PPM1J: variants seen among roughly 807,000 people sequenced by gnomAD.
PPM1J encodes protein phosphatase, Mg2+/Mn2+ dependent 1J, also known as protein phosphatase 1J.
Under a neutral mutation model 53.3 loss-of-function variants are expected in PPM1J, and 43 were observed. That is an observed-to-expected ratio of 0.81 (90% CI 0.63 to 1.04). The LOEUF is 1.04. PPM1J is among the 50% of genes least tolerant of loss of function. The pLI is 0.00. For missense variants in PPM1J, 635 were observed against 685.9 expected, an observed-to-expected ratio of 0.93 and a Z score of 0.83; for synonymous variants, 267 against 286.4, an observed-to-expected ratio of 0.93 and a Z score of 0.68.
At position 112,712,404 on chromosome 1, in the gene PPM1J, ACAGCAGCC is replaced by A; in HGVS notation, c.775_782del (p.Gly259CysfsTer19). On this transcript the variant is annotated frameshift_variant, in exon 4 of 10. Coordinates refer to ENST00000309276, the MANE Select transcript of PPM1J (RefSeq NM_005167.7). LOFTEE classifies it high-confidence loss of function. ...CTAGCAGGTAGATCACAACCAGTGC[ACAGCAGCC>A]CCCCTCCACTTGGTGGCCACGCCGC... is the stretch of plus-strand genomic sequence containing the variant. 6.2e-7 allele frequency: 1 copy of A among 1,613,898 alleles called. No homozygotes were observed. Among genetic ancestry groups the A allele is most frequent in the Non-Finnish European group, 8.5e-7 (1 of 1,179,954 alleles).
chr1:112,711,845 A>G (rs113390824), intron 5 of PPM1J, 126 bp downstream of exon 5: 11,480 of 662,482 alleles, frequency 0.017, 138 homozygotes, highest in Non-Finnish European at 0.022. Context: ...TAGTCCACAC[A>G]GCGGCCTTCC....
intron 4 of PPM1J, 48 bp from the exon 5 acceptor site, chr1:112,712,103 A>G: frequency 1.4e-6 from 2 of 1,472,526 alleles, no homozygotes; most frequent in Admixed American, 4.1e-5. Flanking sequence ...CTTCAGACCC[A>G]CTCATGAAAA....
At chr1:112,710,980 C>T (rs1306311015) in intron 7 of PPM1J, 28 bp downstream of exon 7, 1 of 1,607,594 alleles carries the variant, frequency 6.2e-7, no homozygotes, top group Non-Finnish European at 8.5e-7. Context: ...GTCCTCCTCC[C>T]CTCTCCCACC....
intron 1 of PPM1J, chr1:112,714,763 G>A: frequency 8.0e-7 from 1 of 1,257,612 alleles, no homozygotes; most frequent in Non-Finnish European, 1.0e-6. Context: ...CAATGAGCGG[G>A]AAGGACGTGA....
At chr1:112,712,635 T>C in intron 3 of PPM1J, 109 bp downstream of exon 3, 3 of 1,260,142 alleles carry the variant, frequency 2.4e-6, no homozygotes, top group Non-Finnish European at 3.4e-6. Flanking sequence ...CAAGCTCTGC[T>C]CAGGCTCTCA....
chr1:112,710,610 A>G lies in PPM1J; in HGVS notation c.1220T>C (p.Val407Ala). Residue 407 changes from valine to alanine, a missense_variant and splice_region_variant, in exon 9 of 10, where the codon GTA becomes GCA. Val to Ala is a moderately conservative substitution (Grantham distance 64, BLOSUM62 0). Coordinates refer to ENST00000309276, the MANE Select transcript of PPM1J (RefSeq NM_005167.7). ...ATATTGTGTCAGGTCATACACTCGT[A>G]CCTGGTGGGAGAAAAGGGCAGAGAG... ...IKPFLSCFPE[V>A]RVYDLTQYEH... 1 of 1,614,116 alleles carries G rather than the reference A, an allele frequency of 6.2e-7. No individual in the cohort carries two copies. The highest frequency in any genetic ancestry group is 8.5e-7 in the Non-Finnish European group (1 of 1,180,012).
intron 5 of PPM1J, 152 bp downstream of exon 5, chr1:112,711,819 T>C: frequency 1.7e-6 from 1 of 590,994 alleles, no homozygotes; most frequent in Non-Finnish European, 3.0e-6. Flanking sequence ...TCCCACCGGC[T>C]CAGCCCCGCA....
chr1:112,710,544 C>T lies in PPM1J; in HGVS notation c.1286G>A (p.Gly429Asp), dbSNP rs150126540. Residue 429 changes from glycine to aspartate, a missense_variant, in exon 9 of 10, where the codon GGC becomes GAC. Coordinates refer to ENST00000309276, the MANE Select transcript of PPM1J (RefSeq NM_005167.7). ...ACAGTCAGTAGTGACATCCCACAGG[C>T]CATCTGTTCCCAGGACTAGCACATC... Reference protein sequence around the residue: ...PDDVLVLGTDGLWDVTTDCEV... With the variant: ...PDDVLVLGTDDLWDVTTDCEV... The T allele has an allele frequency of 2.5e-5, 40 of 1,614,224 alleles. No individual in the cohort carries two copies. The highest frequency in any genetic ancestry group is 3.2e-5 in the Non-Finnish European group (38 of 1,180,036).
In PPM1J at chr1:112,712,373, C is replaced by T; in HGVS notation, c.814G>A (p.Val272Met). The T allele has an allele frequency of 2.5e-6, 4 of 1,613,932 alleles. No individual in the cohort carries two copies. Among genetic ancestry groups the T allele is most frequent in the Admixed American group, 1.7e-5 (1 of 59,998 alleles). Reference protein sequence around the residue: ...ALVVIYLLGKVYVANAGDSRA... With the variant: ...ALVVIYLLGKMYVANAGDSRA... ...CTATCGCCTGCATTGGCCACGTACA[C>T]CTTGCCTAGCAGGTAGATCACAACC... The change falls in exon 4 of 10, where the codon GTG becomes ATG. Residue 272 changes from valine to methionine, a missense_variant. Transcript: ENST00000309276.
At position 112,712,053 on chromosome 1, in the gene PPM1J, G is replaced by T; in HGVS notation, c.845C>A (p.Ala282Asp). ...GATTTCACCATTCCGGACAATGATGGCCCTGCCCAAAGAAAGAAAAGGAAT... is the reference window on the plus strand; with the variant it reads ...GATTTCACCATTCCGGACAATGATGTCCCTGCCCAAAGAAAGAAAAGGAAT... ...VYVANAGDSR[A>D]IIVRNGEIIP... The change falls in exon 5 of 10, where the codon GCC (alanine) becomes GAC (aspartate). Residue 282 changes from alanine to aspartate, a missense_variant and splice_region_variant. Ala to Asp is a moderately radical substitution (Grantham distance 126). Coordinates refer to ENST00000309276, the MANE Select transcript of PPM1J (RefSeq NM_005167.7). 6.2e-7 allele frequency: 1 copy of T among 1,606,140 alleles called. No homozygotes were observed.
Position 112,712,729 on chromosome 1 carries a change from A to G in PPM1J, c.729+15T>C. 6.3e-7 allele frequency: 1 copy of G among 1,594,142 alleles called. No individual in the cohort carries two copies. The highest frequency in any genetic ancestry group is 8.5e-7 in the Non-Finnish European group (1 of 1,169,694). On this transcript the variant is annotated intron_variant, in intron 3 of 9. Transcript: ENST00000309276. ...TGGTTGCCTAGCAGGCTCTTGGCCC[A>G]GGTCACCCACTCACCATGAGCTGGA...
chr1:112,710,260 C>T lies in PPM1J; in HGVS notation c.1421G>A (p.Arg474Gln), dbSNP rs115324109. 1,263 of 1,602,600 alleles carry T rather than the reference C, an allele frequency of 7.9e-4. 8 individuals carry two copies. The African/African-American group carries it at 0.015, about 19-fold the overall frequency. Residue 474 changes from arginine (R) to glutamine (Q), a missense_variant, in exon 10 of 10, where the codon CGA becomes CAA. Arg to Gln is a conservative substitution (Grantham distance 43, BLOSUM62 1). Coordinates refer to ENST00000309276, the MANE Select transcript of PPM1J (RefSeq NM_005167.7). ...ALVLGARGTP[R>Q]DRGWRLPNNK... ...GTTGGGGAGACGCCAGCCACGGTCT[C>T]GGGGGGTACCCCGGGCCCCCAGGAC... is the stretch of plus-strand genomic sequence containing the variant.
At chr1:112,711,476 T>G in intron 5 of PPM1J, 92 bp from the exon 6 acceptor site, 1 of 700,996 alleles carries the variant, frequency 1.4e-6, no homozygotes, top group Non-Finnish European at 2.5e-6. Context: ...CAGCAGACCC[T>G]TAAACAGAGT....
Position 112,712,367 on chromosome 1 carries a change from C to T in PPM1J, c.820G>A (p.Val274Met), listed in dbSNP as rs747632313. ...VVIYLLGKVY[V>M]ANAGDSRAII... ...TACCTGCTATCGCCTGCATTGGCCA[C>T]GTACACCTTGCCTAGCAGGTAGATC... The change falls in exon 4 of 10, where the codon GTG (valine) becomes ATG (methionine). Residue 274 changes from valine to methionine, a missense_variant. Transcript: ENST00000309276. 20 of 1,613,594 alleles carry T rather than the reference C, an allele frequency of 1.2e-5. No individual in the cohort carries two copies. The highest frequency in any genetic ancestry group is 1.7e-4 in the Middle Eastern group (1 of 6,060).
Position 112,710,794 on chromosome 1 carries a change from C to T in PPM1J, c.1168G>A (p.Val390Ile). The change falls in exon 8 of 10, where the codon GTC (valine) becomes ATC (isoleucine). Residue 390 changes from valine (V) to isoleucine (I), a missense_variant. Physicochemically the swap from Val to Ile is conservative, Grantham distance 29. Coordinates refer to ENST00000309276, the MANE Select transcript of PPM1J (RefSeq NM_005167.7). ...TTGATGGGCAGGGTGGAACTGCAGA[C>T]CTTAAGGCTGTGGTCTCCCAAGCCT... is the stretch of plus-strand genomic sequence containing the variant. ...TRGLGDHSLK[V>I]CSSTLPIKPF... is the part of the protein sequence containing the mutation. 6.2e-7 allele frequency: 1 copy of T among 1,614,020 alleles called. No individual in the cohort carries two copies. Among genetic ancestry groups the T allele is most frequent in the Non-Finnish European group, 8.5e-7 (1 of 1,179,940 alleles).
At chr1:112,711,531 C>A (rs757474248) in intron 5 of PPM1J, 147 bp from the exon 6 acceptor site, 10 of 608,782 alleles carry the variant, frequency 1.6e-5, no homozygotes, top group Admixed American at 2.9e-5. Flanking sequence ...AATATTAACT[C>A]ATTTACTCCT....
chr1:112,714,651 C>T, intron 1 of PPM1J: 1 of 1,180,068 alleles, frequency 8.5e-7, no homozygotes, highest in Non-Finnish European at 1.0e-6. Flanking sequence ...TTTAAGCTGC[C>T]GGGCCGCGAC....
chr1:112,712,956 G>A lies in PPM1J; in HGVS notation c.517C>T (p.Leu173=). The A allele has an allele frequency of 6.2e-7, 1 of 1,613,876 alleles. No individual in the cohort carries two copies. Among genetic ancestry groups the A allele is most frequent in the South Asian group, 1.1e-5 (1 of 91,056 alleles). The part of the protein sequence containing the change: ...GGAAEMASRL[L]HRHIREQLKD... ...AGCTGCTCTCGGATATGGCGATGCA[G>A]GAGCCGTGAGGCCATTTCAGCAGCT... The change falls in exon 3 of 10, where the codon CTG becomes TTG. Residue 173 remains leucine, a synonymous_variant. Coordinates refer to ENST00000309276, the MANE Select transcript of PPM1J (RefSeq NM_005167.7).
At position 112,710,138 on chromosome 1, in the gene PPM1J, A is replaced by G. The variant is rs1271024844; in HGVS notation, c.*25T>C. 1 of 1,532,246 alleles carries G rather than the reference A, an allele frequency of 6.5e-7. No individual in the cohort carries two copies. The highest frequency in any genetic ancestry group is 1.4e-5 in the African/African-American group (1 of 71,670). 94.9% of individuals were successfully genotyped at this position (1,532,246 alleles called of 1,614,324 possible). On this transcript the variant is annotated 3_prime_UTR_variant, in exon 10 of 10. Coordinates refer to ENST00000309276, the MANE Select transcript of PPM1J (RefSeq NM_005167.7). ...TGAGAGGAGTAAGTATGGAGAGGCT[A>G]GTGGGAGGGATGGTGTTCAGCCCCT...
Sources: allele counts gnomAD v4.1 joint callset, GRCh38; gene constraint gnomAD v4.1.1; transcripts MANE v1.5; gene names NCBI Gene and HGNC (gene_info 2026-07-23, HGNC 2026-07-21).